Variants in PTPRM observed in about 807,000 individuals in gnomAD.
PTPRM encodes protein tyrosine phosphatase receptor type M, also known as receptor-type tyrosine-protein phosphatase mu.
PTPRM carries 47 observed loss-of-function variants against 186.7 expected under a neutral mutation model. That is an observed-to-expected ratio of 0.25 (90% CI 0.20 to 0.32). PTPRM has a LOEUF of 0.32. PTPRM is among the 10% of genes least tolerant of loss of function. The pLI is 1.00. For synonymous variants in PTPRM, 668 were observed against 674.9 expected (o/e 0.99, Z 0.16); for missense variants, 1,494 against 1,865.0 (o/e 0.80, Z 3.66).
intron 13 of PTPRM, among the ~76,000 whole-genome samples, chr18:8,142,303 C>T (rs971918122): frequency 4.6e-5 from 7 of 152,140 alleles, no homozygotes; most frequent in Non-Finnish European, 8.8e-5. Context: ...GAAACACTGA[C>T]GAGCTTCCAA....
At chr18:7,773,373 G>T (rs920822504) in intron 1 of PTPRM, among the ~76,000 whole-genome samples, 4 of 151,990 alleles carry the variant, frequency 2.6e-5, no homozygotes, top group African/African-American at 9.7e-5. Context: ...TATTGTGCCA[G>T]GATTGAGGTG....
chr18:7,695,758 A>G (rs943156848), intron 1 of PTPRM, among the ~76,000 whole-genome samples: 9 of 152,198 alleles, frequency 5.9e-5, no homozygotes, highest in African/African-American at 2.2e-4. Flanking sequence ...AGGTAGTTCG[A>G]GTGGTATGGC....
chr18:8,372,723 A>G (rs1376221024), intron 24 of PTPRM, among the ~76,000 whole-genome samples: 2 of 14,426 alleles, frequency 1.4e-4, no homozygotes, highest in Non-Finnish European at 2.7e-4. Flanking sequence ...CAGAATTGGA[A>G]AAAAAAAAAA....
intron 22 of PTPRM, among the ~76,000 whole-genome samples, chr18:8,335,441 T>C (rs117665070): frequency 2.4e-3 from 371 of 152,322 alleles, no homozygotes; most frequent in Admixed American, 3.8e-3. Context: ...CAAAAGAAGT[T>C]TGAAGAAATT....
At chr18:8,241,144 A>G (rs975005425) in intron 14 of PTPRM, among the ~76,000 whole-genome samples, 1 of 152,194 alleles carries the variant, frequency 6.6e-6, no homozygotes, top group Non-Finnish European at 1.5e-5. Context: ...CCTGGCCAAC[A>G]TGGCGAAACC....
chr18:8,180,611 G>A (rs1365192927), intron 14 of PTPRM, among the ~76,000 whole-genome samples: 1 of 152,106 alleles, frequency 6.6e-6, no homozygotes, highest in Non-Finnish European at 1.5e-5. Flanking sequence ...GTGGCCTGCC[G>A]GCACTTGGGA....
At chr18:7,961,866 A>T (rs907574929) in intron 7 of PTPRM, among the ~76,000 whole-genome samples, 1 of 152,218 alleles carries the variant, frequency 6.6e-6, no homozygotes, top group Non-Finnish European at 1.5e-5. Context: ...GTAGAGCTAT[A>T]TATTTGTCTG....
intron 14 of PTPRM, among the ~76,000 whole-genome samples, chr18:8,156,362 C>G (rs2093122062): frequency 6.6e-6 from 1 of 152,090 alleles, no homozygotes; most frequent in African/African-American, 2.4e-5. Context: ...ATCTGACGAA[C>G]CTGATTTTAC....
At chr18:7,578,855 T>G (rs2036768896) in intron 1 of PTPRM, among the ~76,000 whole-genome samples, 1 of 152,076 alleles carries the variant, frequency 6.6e-6, no homozygotes, top group Non-Finnish European at 1.5e-5. Flanking sequence ...GGGCTTCATG[T>G]GTAATTAGTG....
At chr18:7,856,968 C>G (rs2047127073) in intron 2 of PTPRM, among the ~76,000 whole-genome samples, 1 of 152,178 alleles carries the variant, frequency 6.6e-6, no homozygotes, top group Non-Finnish European at 1.5e-5. Flanking sequence ...GTCTCTTGCC[C>G]TCGCTCCTGA....
rs114284704 is a variant in PTPRM, at chr18:7,668,213, G to T, written c.73+100322G>T. 0.022 allele frequency among the ~76,000 whole-genome samples: 3,350 copies of T among 152,222 alleles called. 129 individuals are homozygous for T. Among genetic ancestry groups the T allele is most frequent in the African/African-American group, 0.077 (3,194 of 41,540 alleles). On this transcript the variant is annotated intron_variant, in intron 1 of 32. Transcript: ENST00000580170. This position sits in a 1 kb window ranked among gnomAD's most constrained non-coding sequence, Gnocchi z 4.7. The stretch of plus-strand genomic sequence containing the variant: ...TGGTGAGGAGCTGCACCACGGTGGT[G>T]CCCGCAGACGCTGCTTCGTGTCCCC...
At chr18:7,597,101 C>T (rs2037284797) in intron 1 of PTPRM, among the ~76,000 whole-genome samples, 1 of 152,206 alleles carries the variant, frequency 6.6e-6, no homozygotes, top group Non-Finnish European at 1.5e-5. Context: ...GTGATCCACC[C>T]TCCTTGTCCT....
chr18:7,989,645 C>T (rs970893841), intron 7 of PTPRM, among the ~76,000 whole-genome samples: 4 of 152,198 alleles, frequency 2.6e-5, no homozygotes, highest in Non-Finnish European at 4.4e-5. Context: ...GTTTTTCTAG[C>T]ATAGCCAATT....
At chr18:7,923,449 A>T (rs1005166654) in intron 4 of PTPRM, among the ~76,000 whole-genome samples, 6 of 152,304 alleles carry the variant, frequency 3.9e-5, no homozygotes, top group Non-Finnish European at 5.9e-5. Flanking sequence ...TTGGAAGGAA[A>T]ACTTTTCCTT....
At chr18:7,838,005 G>T (rs1416206634) in intron 2 of PTPRM, among the ~76,000 whole-genome samples, 3 of 152,190 alleles carry the variant, frequency 2.0e-5, no homozygotes, top group Admixed American at 2.0e-4. Context: ...GGGGCACGCT[G>T]ATCCCAGTAA....
At chr18:8,351,503 A>T (rs1228382027) in intron 23 of PTPRM, among the ~76,000 whole-genome samples, 1 of 152,130 alleles carries the variant, frequency 6.6e-6, no homozygotes, top group Non-Finnish European at 1.5e-5. Flanking sequence ...GTGCACAACC[A>T]CCAGGCTGTG....
chr18:7,910,004 T>G (rs1397641981), intron 4 of PTPRM, among the ~76,000 whole-genome samples: 1 of 152,216 alleles, frequency 6.6e-6, no homozygotes, highest in African/African-American at 2.4e-5. Flanking sequence ...TACAATAGCT[T>G]CCTAATGTTG....
intron 19 of PTPRM, among the ~76,000 whole-genome samples, chr18:8,288,741 GCTGTGTCA>G (rs2094987134): frequency 6.6e-6 from 1 of 152,144 alleles, no homozygotes; most frequent in Non-Finnish European, 1.5e-5. Context: ...GCTCTTGAGG[GCTGTGTCA>G]CTTCATTAGC....
chr18:8,243,246 C>T (rs1040454777), intron 14 of PTPRM, among the ~76,000 whole-genome samples: 13 of 152,154 alleles, frequency 8.5e-5, no homozygotes, highest in Non-Finnish European at 1.9e-4. Context: ...CCTATGTCTC[C>T]AAAAGAATTA....
Sources: allele counts gnomAD v4.1 joint callset (sites outside exome capture counted in the v4.1 genomes callset), GRCh38; gene constraint gnomAD v4.1.1; non-coding constraint Gnocchi (gnomAD v3.1); transcripts MANE v1.5; gene names NCBI Gene and HGNC (gene_info 2026-07-23, HGNC 2026-07-21).